The following PCDHGA7 variants were observed in gnomAD, a reference collection of about 807,000 sequenced individuals.
PCDHGA7 encodes the protein protocadherin gamma-A7.
In PCDHGA7, 44 loss-of-function variants were observed where a neutral mutation model predicts 58.3. The ratio of observed to expected loss-of-function variants is 0.75; its 90% CI spans 0.59 to 0.97. The LOEUF (loss-of-function observed/expected upper bound fraction) is 0.97, where lower values mean the gene tolerates loss of function less well. PCDHGA7 is among the 50% of genes least tolerant of loss of function. The pLI is 0.00. For synonymous variants in PCDHGA7, 516 were observed against 504.2 expected, an observed-to-expected ratio of 1.02 and a Z score of -0.31; for missense variants, 1,266 against 1,188.7, an observed-to-expected ratio of 1.06 and a Z score of -0.96.
Position 141,486,690 on chromosome 5 carries a change from C to G in PCDHGA7, c.2425-8117C>G. ...AGGAATCGAGATGTATCAGCTTCCTCTTTCATCTCTCTGAACCCCCAGACA... is the reference window on the plus strand; with the variant it reads ...AGGAATCGAGATGTATCAGCTTCCTGTTTCATCTCTCTGAACCCCCAGACA... On this transcript the variant is annotated intron_variant, in intron 1 of 3. Coordinates refer to ENST00000518325, the MANE Select transcript of PCDHGA7 (RefSeq NM_018920.4). The surrounding 1 kb of genome is among the most constrained non-coding windows in gnomAD (Gnocchi z 5.0). 3 of 1,614,144 alleles carry G rather than the reference C, an allele frequency of 1.9e-6. No individual in the cohort carries two copies. The highest frequency in any genetic ancestry group is 2.5e-6 in the Non-Finnish European group (3 of 1,180,036).
intron 1 of PCDHGA7, chr5:141,423,628 AT>A (rs2096762361): frequency 6.2e-7 from 1 of 1,604,844 alleles, no homozygotes; most frequent in Admixed American, 1.7e-5. Flanking sequence ...CTCAGCTATC[AT>A]TTTAGGCAAA....
chr5:141,449,471 G>A (rs1261821886), intron 1 of PCDHGA7, among the ~76,000 whole-genome samples: 1 of 151,060 alleles, frequency 6.6e-6, no homozygotes, highest in African/African-American at 2.4e-5. Flanking sequence ...GCCAGGCCTG[G>A]TACCCCATGC....
At position 141,450,006 on chromosome 5, in the gene PCDHGA7, C is replaced by CTATTTTTTTTTTT. The variant is rs70988802; in HGVS notation, c.2425-44800_2425-44799insATTTTTTTTTTTT. Among the ~76,000 whole-genome samples, 4 of 132,982 alleles carry CTATTTTTTTTTTT rather than the reference C, an allele frequency of 3.0e-5. 1 individual carries two copies. The highest frequency in any genetic ancestry group is 5.6e-5 in the African/African-American group (2 of 35,576). 87.2% of individuals were successfully genotyped at this position (132,982 alleles called of 152,430 possible). A position where few individuals can be genotyped will look rare whatever the true frequency, so the allele number is the denominator to read the frequency against. Reference sequence around the variant, plus strand: ...CACATTGCATTTAGTTGCCATGTCTCTTTTTTTTTTTTTTTTTTGAGACAG... The same window carrying CTATTTTTTTTTTT: ...CACATTGCATTTAGTTGCCATGTCTCTATTTTTTTTTTTTTTTTTTTTTTTTTTTTTGAGACAG... On this transcript the variant is annotated intron_variant, in intron 1 of 3. Transcript: ENST00000518325.
intron 1 of PCDHGA7, among the ~76,000 whole-genome samples, chr5:141,444,466 C>A (rs539222916): frequency 1.3e-5 from 2 of 151,982 alleles, no homozygotes; most frequent in African/African-American, 4.8e-5. Flanking sequence ...TCACTGCGCC[C>A]GGTCGCGTAC....
intron 1 of PCDHGA7, chr5:141,388,833 T>G (rs761698912): frequency 6.2e-7 from 1 of 1,613,838 alleles, no homozygotes; most frequent in Non-Finnish European, 8.5e-7. Context: ...TTCCATAGTT[T>G]TGGAAGCAAG....
intron 1 of PCDHGA7, among the ~76,000 whole-genome samples, chr5:141,480,916 A>C (rs991166066): frequency 6.6e-6 from 1 of 152,106 alleles, no homozygotes; most frequent in East Asian, 1.9e-4. Flanking sequence ...ATGGTGGCGC[A>C]TACCTGTAGT....
At chr5:141,394,326 A>G in intron 1 of PCDHGA7, 1 of 1,613,902 alleles carries the variant, frequency 6.2e-7, no homozygotes, top group Non-Finnish European at 8.5e-7. Flanking sequence ...GTCCTCGTAT[A>G]TCTCCATCAA....
At chr5:141,449,796 A>G (rs1358409274) in intron 1 of PCDHGA7, among the ~76,000 whole-genome samples, 2 of 151,590 alleles carry the variant, frequency 1.3e-5, no homozygotes, top group Admixed American at 6.6e-5. Context: ...TTATTCCTAA[A>G]TACCTCATTG....
rs1428628914 is a variant in PCDHGA7, at chr5:141,487,223, G to A, written c.2425-7584G>A. 1.2e-6 allele frequency: 2 copies of A among 1,614,076 alleles called. No homozygotes were observed. The highest frequency in any genetic ancestry group is 2.2e-5 in the East Asian group (1 of 44,866). The stretch of plus-strand genomic sequence containing the variant: ...TCTTCGAGAATCTTCAGCTCCAAGG[G>A]AAGGAGAATCTCGTCTAACCCTCTA... On this transcript the variant is annotated intron_variant, in intron 1 of 3. Transcript: ENST00000518325. This position sits in a 1 kb window ranked among gnomAD's most constrained non-coding sequence, Gnocchi z 5.0.
At chr5:141,442,664 G>A (rs1289986124) in intron 1 of PCDHGA7, among the ~76,000 whole-genome samples, 2 of 152,342 alleles carry the variant, frequency 1.3e-5, no homozygotes, top group East Asian at 1.9e-4. Flanking sequence ...TATTTGGCAT[G>A]GTGAGCTTGA....
chr5:141,439,652 T>G (rs1047430832), intron 1 of PCDHGA7, among the ~76,000 whole-genome samples: 1 of 152,208 alleles, frequency 6.6e-6, no homozygotes, highest in African/African-American at 2.4e-5. Context: ...GTGGCTTTTC[T>G]AATTTCATGG....
Position 141,489,407 on chromosome 5 carries a change from T to C in PCDHGA7, c.2425-5400T>C. On this transcript the variant is annotated intron_variant, in intron 1 of 3. Transcript: ENST00000518325. This position sits in a 1 kb window ranked among gnomAD's most constrained non-coding sequence, Gnocchi z 4.5. ...GTTGCTCAGGATCTGGGCTTAAAGA[T>C]GACAGATCTGTTGAGCCGGCGGCTG... 6.2e-7 allele frequency: 1 copy of C among 1,614,140 alleles called. No individual in the cohort carries two copies.
At chr5:141,405,757 C>T (rs754575292) in intron 1 of PCDHGA7, among the ~76,000 whole-genome samples, 13 of 152,264 alleles carry the variant, frequency 8.5e-5, no homozygotes, top group East Asian at 3.9e-4. Context: ...GGATTACAGG[C>T]GTGAGCCACT....
intron 1 of PCDHGA7, chr5:141,421,236 TCGGCTACAG>T (rs761399164): frequency 3.8e-5 from 60 of 1,594,916 alleles, no homozygotes; most frequent in Non-Finnish European, 5.1e-5. Flanking sequence ...CCATGGCGAA[TCGGCTACAG>T]CGCGGGGACC....
intron 1 of PCDHGA7, among the ~76,000 whole-genome samples, chr5:141,464,155 C>T (rs2099076990): frequency 1.3e-5 from 2 of 151,614 alleles, no homozygotes; most frequent in African/African-American, 4.8e-5. Flanking sequence ...GTCCCAGCTA[C>T]TTGGAAGGCT....
At chr5:141,411,982 A>T (rs2154543855) in intron 1 of PCDHGA7, 1 of 152,346 alleles carries the variant, frequency 6.6e-6, no homozygotes, top group East Asian at 1.9e-4. Context: ...AGAGTTCTAT[A>T]CTTGGAAGGC....
intron 1 of PCDHGA7, among the ~76,000 whole-genome samples, chr5:141,448,422 T>C (rs1561930551): frequency 3.9e-5 from 6 of 152,150 alleles, no homozygotes; most frequent in Admixed American, 3.3e-4. Flanking sequence ...CAATATACTA[T>C]GTATATATTG....
At chr5:141,447,232 C>T (rs988057696) in intron 1 of PCDHGA7, among the ~76,000 whole-genome samples, 3 of 152,062 alleles carry the variant, frequency 2.0e-5, no homozygotes, top group East Asian at 1.9e-4. Flanking sequence ...CTCCGCCTCC[C>T]GGGTTCAAGT....
At chr5:141,441,820 G>A in intron 1 of PCDHGA7, 1 of 359,390 alleles carries the variant, frequency 2.8e-6, no homozygotes, top group Non-Finnish European at 5.5e-6. Flanking sequence ...CCCAGCTCTG[G>A]AGCGCAATGG....
Sources: gnomAD v4.1 joint callset for allele counts (sites outside exome capture counted in the v4.1 genomes callset) on GRCh38, gnomAD v4.1.1 for gene constraint, Gnocchi (gnomAD v3.1) non-coding constraint, MANE v1.5 for transcripts, NCBI Gene and HGNC (gene_info 2026-07-23, HGNC 2026-07-21) for gene names.